The following POLA1 variants were observed in gnomAD, a reference collection of about 807,000 sequenced individuals.
POLA1 encodes the protein DNA polymerase alpha 1, catalytic subunit.
POLA1 carries 15 observed loss-of-function variants against 124.0 expected under a neutral mutation model. The ratio of observed to expected loss-of-function variants is 0.12; its 90% CI spans 0.08 to 0.19. The LOEUF (loss-of-function observed/expected upper bound fraction) is 0.19, where lower values mean the gene tolerates loss of function less well. POLA1 is among the 10% of genes least tolerant of loss of function. The pLI is 1.00. For synonymous variants in POLA1, 408 were observed against 389.4 expected, an observed-to-expected ratio of 1.05 and a Z score of -0.56; for missense variants, 886 against 1,103.4, an observed-to-expected ratio of 0.80 and a Z score of 2.79.
chrX:24,848,307 C>T (rs766250018), intron 34 of POLA1, among the ~76,000 whole-genome samples: 4 of 111,905 alleles, frequency 3.6e-5, no homozygotes, highest in African/African-American at 1.3e-4. Flanking sequence ...CAGTGTATGT[C>T]GCCTTATGAT....
intron 34 of POLA1, among the ~76,000 whole-genome samples, chrX:24,885,620 C>T (rs772617593): frequency 1.9e-4 from 21 of 110,832 alleles, no homozygotes; most frequent in Non-Finnish European, 2.8e-4. Flanking sequence ...CTGCAACCTC[C>T]GTCTCCCGGG....
In POLA1 at chrX:24,995,886, C is replaced by G; in HGVS notation, c.4343C>G (p.Ser1448Cys). ...AAGAACACAGCAGAGCAATTCTTGTCCCGAAGTGGCTACTCCGAAGTGAAT... is the reference window on the plus strand; with the variant it reads ...AAGAACACAGCAGAGCAATTCTTGTGCCGAAGTGGCTACTCCGAAGTGAAT... ...KLKNTAEQFL[S>C]RSGYSEVNLS... Residue 1448 changes from serine (S) to cysteine (C), a missense_variant, in exon 37 of 37, where the codon TCC becomes TGC. By Grantham distance (112) the Ser-to-Cys change is moderately radical. Around this residue, in one of 7 missense-constraint regions of POLA1, gnomAD observed 313 missense variants for 359.7 expected, o/e 0.87. Transcript: ENST00000379068. The G allele has an allele frequency of 1.7e-6, 2 of 1,208,747 alleles. No individual in the cohort carries two copies. Among genetic ancestry groups the G allele is most frequent in the Non-Finnish European group, 2.2e-6 (2 of 893,032 alleles).
intron 36 of POLA1, among the ~76,000 whole-genome samples, chrX:24,990,698 G>A (rs191626524): frequency 1.8e-5 from 2 of 112,109 alleles, no homozygotes; most frequent in Admixed American, 9.5e-5. Context: ...GTTAGATACC[G>A]CTGAAGCTGA....
At chrX:24,792,312 C>T (rs1172018729) in intron 26 of POLA1, among the ~76,000 whole-genome samples, 1 of 111,845 alleles carries the variant, frequency 8.9e-6, no homozygotes, top group South Asian at 3.7e-4. Context: ...TGTTGATTAG[C>T]TAGAGGGTGG....
chrX:24,960,084 C>G (rs899066418), intron 36 of POLA1, among the ~76,000 whole-genome samples: 2 of 111,408 alleles, frequency 1.8e-5, no homozygotes, highest in African/African-American at 6.5e-5. Flanking sequence ...TTTTGAAACA[C>G]TGTGCTGTCC....
Position 24,872,680 on chromosome X carries a change from C to A in POLA1, c.4048-15326C>A, listed in dbSNP as rs966822744. Among the ~76,000 whole-genome samples the A allele has an allele frequency of 3.6e-5, 4 of 111,044 alleles. No homozygotes were observed. In the East Asian group the frequency reaches 1.1e-3, roughly 31 times the overall value. ...AACTATAGAAAGCCCATAAATAGAC[C>A]CAAAGTTGCATTTTGTTTTTTAAAA... On this transcript the variant is annotated intron_variant, in intron 34 of 36. Transcript: ENST00000379068.
rs755199656 is a variant in POLA1 at position 24,866,676 on chromosome X, A to G, written c.4048-21330A>G. Among the ~76,000 whole-genome samples the G allele has an allele frequency of 2.7e-5, 3 of 112,202 alleles. No individual in the cohort carries two copies. The South Asian group carries it at 1.1e-3, about 41-fold the overall frequency. On this transcript the variant is annotated intron_variant, in intron 34 of 36. Coordinates refer to ENST00000379068, the MANE Select transcript of POLA1 (RefSeq NM_001330360.2). ...TATCAGATTGTTCCTACGAAAAAAG[A>G]AAAAGTGATCATGCTTTGAATTTTT...
chrX:24,854,547 C>T (rs1014528338), intron 34 of POLA1, among the ~76,000 whole-genome samples: 13 of 111,206 alleles, frequency 1.2e-4, no homozygotes, highest in African/African-American at 2.9e-4. Context: ...AAATGTACCC[C>T]AGGCCGGGTG....
intron 34 of POLA1, among the ~76,000 whole-genome samples, chrX:24,845,023 A>G (rs190858951): frequency 1.8e-5 from 2 of 111,927 alleles, no homozygotes; most frequent in East Asian, 2.8e-4. Context: ...AAACTTATCT[A>G]TTTCCTTCTT....
intron 26 of POLA1, among the ~76,000 whole-genome samples, chrX:24,803,299 C>T (rs747545676): frequency 9.9e-5 from 11 of 111,065 alleles, no homozygotes; most frequent in Non-Finnish European, 1.1e-4. Flanking sequence ...GGAGAGCACA[C>T]GGCATATGTG....
At chrX:24,980,168 C>T (rs1335114630) in intron 36 of POLA1, among the ~76,000 whole-genome samples, 8 of 111,791 alleles carry the variant, frequency 7.2e-5, no homozygotes, top group African/African-American at 2.6e-4. Context: ...CTATGCTTCA[C>T]TTTGTAGAAC....
At chrX:24,771,627 C>G (rs2148439153) in intron 26 of POLA1, among the ~76,000 whole-genome samples, 1 of 111,553 alleles carries the variant, frequency 9.0e-6, no homozygotes, top group African/African-American at 3.3e-5. Context: ...GATGAATGAA[C>G]TATACAATAC....
intron 34 of POLA1, among the ~76,000 whole-genome samples, chrX:24,884,758 C>G (rs1337611399): frequency 8.9e-6 from 1 of 111,779 alleles, no homozygotes; most frequent in African/African-American, 3.3e-5. Context: ...CATAATAGCA[C>G]TAGTTATTGT....
At chrX:24,887,911 G>C (rs918940250) in intron 34 of POLA1, 95 bp from the exon 35 acceptor site, 2 of 539,661 alleles carry the variant, frequency 3.7e-6, no homozygotes, top group East Asian at 6.7e-5. Context: ...TCTGAGAAAA[G>C]ATTAAATAAA....
chrX:24,744,818 T>C (rs1026150223), intron 23 of POLA1, among the ~76,000 whole-genome samples: 36 of 106,898 alleles, frequency 3.4e-4, no homozygotes, highest in African/African-American at 1.2e-3. Context: ...GAGCACGGTG[T>C]TGCGCGCCTG....
chrX:24,956,245 A>AT (rs2048104600), intron 36 of POLA1, among the ~76,000 whole-genome samples: 1 of 110,042 alleles, frequency 9.1e-6, no homozygotes, highest in African/African-American at 3.3e-5. Context: ...GTGAGTTATG[A>AT]TCGTGCCACT....
chrX:24,867,147 C>T (rs1205142826), intron 34 of POLA1, among the ~76,000 whole-genome samples: 2 of 110,880 alleles, frequency 1.8e-5, no homozygotes, highest in African/African-American at 6.5e-5. Context: ...TTGTTCTAGT[C>T]TATCATGCAT....
intron 34 of POLA1, among the ~76,000 whole-genome samples, chrX:24,863,636 C>T (rs911572773): frequency 1.8e-5 from 2 of 111,610 alleles, no homozygotes; most frequent in Non-Finnish European, 3.8e-5. Flanking sequence ...ACTAACATGT[C>T]GTCTACGGGT....
chrX:24,802,167 G>A (rs768256173), intron 26 of POLA1, among the ~76,000 whole-genome samples: 2 of 110,508 alleles, frequency 1.8e-5, no homozygotes, highest in Non-Finnish European at 3.8e-5. Context: ...ATATACTGCT[G>A]TACTCAAAGT....
Sources: gnomAD v4.1 joint callset for allele counts (sites outside exome capture counted in the v4.1 genomes callset) on GRCh38, gnomAD v4.1.1 for gene constraint, gnomAD v4.1.1 regional missense constraint, MANE v1.5 for transcripts, NCBI Gene and HGNC (gene_info 2026-07-23, HGNC 2026-07-21) for gene names.